Variants in EIF2S3 observed in about 807,000 individuals in gnomAD.
EIF2S3 encodes eukaryotic translation initiation factor 2 subunit 3.
In EIF2S3, 2 loss-of-function variants were observed where a neutral mutation model predicts 31.7. The ratio of observed to expected loss-of-function variants is 0.06; its 90% CI spans 0.03 to 0.20. The LOEUF is 0.20. EIF2S3 is among the 10% of genes least tolerant of loss of function. The pLI is 1.00. For synonymous variants in EIF2S3, 120 were observed against 126.7 expected (o/e 0.95, Z 0.36); for missense variants, 96 against 359.3 (o/e 0.27, Z 5.92).
intron 9 of EIF2S3, among the ~76,000 whole-genome samples, chrX:24,069,791 G>C (rs1189314395): frequency 1.0e-5 from 1 of 98,871 alleles, no homozygotes; most frequent in Non-Finnish European, 2.0e-5. Flanking sequence ...CCTGGGTTCA[G>C]TTAATTCTCC....
At chrX:24,069,215 C>G (rs1930623952) in intron 9 of EIF2S3, among the ~76,000 whole-genome samples, 1 of 109,351 alleles carries the variant, frequency 9.1e-6, no homozygotes, top group Non-Finnish European at 1.9e-5. Flanking sequence ...AACCTTGTCT[C>G]TACTAAAAAT....
intron 9 of EIF2S3, among the ~76,000 whole-genome samples, chrX:24,070,442 T>C (rs1033044599): frequency 5.8e-4 from 44 of 76,235 alleles, no homozygotes; most frequent in Middle Eastern, 0.012. Context: ...ATATGTAGTT[T>C]TTTTTTTTTT....
At chrX:24,061,388 G>A (rs1456795951) in intron 5 of EIF2S3, among the ~76,000 whole-genome samples, 5 of 108,775 alleles carry the variant, frequency 4.6e-5, no homozygotes, top group African/African-American at 1.7e-4. Flanking sequence ...GTGAAACCCT[G>A]CCTCTATTAA....
At chrX:24,058,141 T>C (rs1227063863) in intron 4 of EIF2S3, among the ~76,000 whole-genome samples, 1 of 112,015 alleles carries the variant, frequency 8.9e-6, no homozygotes, top group African/African-American at 3.2e-5. Flanking sequence ...CTGAATATGA[T>C]TGCATACCTG....
rs761582088 is a variant in EIF2S3 at position 24,063,690 on chromosome X, G to T, written c.638-511G>T. Among the ~76,000 whole-genome samples, 36 of 110,311 alleles carry T rather than the reference G, an allele frequency of 3.3e-4. 1 individual carries two copies. Among genetic ancestry groups the T allele is most frequent in the Non-Finnish European group, 6.4e-4 (34 of 52,858 alleles). On this transcript the variant is annotated intron_variant, in intron 6 of 11. Transcript: ENST00000253039. Reference sequence around the variant, plus strand: ...TGTAGGAGGCTGAAGTGGGAGGATCGCTTGGGCCTGGGAAGTGGAGGTTGC... The same window carrying T: ...TGTAGGAGGCTGAAGTGGGAGGATCTCTTGGGCCTGGGAAGTGGAGGTTGC...
intron 7 of EIF2S3, among the ~76,000 whole-genome samples, chrX:24,064,962 A>G (rs1320140540): frequency 1.8e-5 from 2 of 112,133 alleles, no homozygotes; most frequent in Admixed American, 1.9e-4. Context: ...AAACATTTAC[A>G]GATGATTTTG....
In EIF2S3 at chrX:24,057,464, A is replaced by G; in HGVS notation, c.177A>G (p.Lys59=). The G allele has an allele frequency of 8.3e-7, 1 of 1,210,106 alleles. No individual in the cohort carries two copies. The highest frequency in any genetic ancestry group is 1.7e-5 in the African/African-American group (1 of 57,888). Reference sequence around the variant, plus strand: ...CTCATGGGAAATCCACAGTCGTCAAAGCTATTTCTGGAGTTCATACTGTCA... The same window carrying G: ...CTCATGGGAAATCCACAGTCGTCAAGGCTATTTCTGGAGTTCATACTGTCA... ...HVAHGKSTVV[K]AISGVHTVRF... Residue 59 remains lysine, a synonymous_variant, in exon 3 of 12, where the codon AAA becomes AAG. Transcript: ENST00000253039.
At chrX:24,071,872 G>GTTT in intron 10 of EIF2S3, 145 bp downstream of exon 10, 8 of 523,511 alleles carry the variant, frequency 1.5e-5, no homozygotes, top group Non-Finnish European at 2.2e-5. Context: ...AAAATTGAGG[G>GTTT]TTTTTTTTTT....
chrX:24,057,750 G>C lies in EIF2S3; in HGVS notation c.379G>C (p.Val127Leu), dbSNP rs1930425886. Residue 127 changes from valine to leucine, a missense_variant, in exon 4 of 12, where the codon GTC becomes CTC. Val to Leu is a conservative substitution (Grantham distance 32, BLOSUM62 1). This residue lies in a region of EIF2S3 where 22 missense variants were observed against 34.5 expected (regional missense o/e 0.64). Coordinates refer to ENST00000253039, the MANE Select transcript of EIF2S3 (RefSeq NM_001415.4). ...AGGGACCAAAGGGAACTTCAAATTA[G>C]TCAGGTGACCTCTCTTTTGCTACAA... ...IPGTKGNFKL[V>L]RHVSFVDCPG... The C allele has an allele frequency of 1.7e-6, 2 of 1,204,596 alleles. No homozygotes were observed. Among genetic ancestry groups the C allele is most frequent in the Non-Finnish European group, 2.2e-6 (2 of 893,289 alleles).
intron 4 of EIF2S3, 34 bp downstream of exon 4, chrX:24,057,788 A>G: frequency 8.5e-7 from 1 of 1,174,105 alleles, no homozygotes; most frequent in Non-Finnish European, 1.1e-6. Flanking sequence ...ACTACACTTT[A>G]TATTTTATTG....
Position 24,062,682 on chromosome X carries a change from C to T in EIF2S3, c.637+108C>T. 9.0e-6 allele frequency: 8 copies of T among 891,972 alleles called. 1 individual carries two copies. The South Asian group carries it at 2.0e-4, about 22-fold the overall frequency. 73.5% of individuals were successfully genotyped at this position (891,972 alleles called of 1,213,427 possible). A position where few individuals can be genotyped will look rare whatever the true frequency, so the allele number is the denominator to read the frequency against. On this transcript the variant is annotated intron_variant, in intron 6 of 11. Coordinates refer to ENST00000253039, the MANE Select transcript of EIF2S3 (RefSeq NM_001415.4). ...AATATATTATCTAAAACAAGGTAAA[C>T]TTACAAGTCTTAAGCCTTATCGCCC...
rs1188921069 is a variant in EIF2S3 at position 24,077,903 on chromosome X, CAT to C, written c.*1120_*1121del. On this transcript the variant is annotated 3_prime_UTR_variant, in exon 12 of 12. Coordinates refer to ENST00000253039, the MANE Select transcript of EIF2S3 (RefSeq NM_001415.4). ...CTTAACTGTTATATTATGATTGTGA[CAT>C]AGATTATACTACTACTAATTTTTGG... The C allele has an allele frequency of 1.8e-5, 2 of 112,078 alleles. No individual in the cohort carries two copies. The highest frequency in any genetic ancestry group is 9.6e-5 in the Admixed American group (1 of 10,435). The allele number at this position is 112,078 out of a possible 1,213,427, so 9.2% of individuals were successfully genotyped here.
chrX:24,055,126 G>A, intron 1 of EIF2S3, 89 bp downstream of exon 1: 3 of 1,049,297 alleles, frequency 2.9e-6, no homozygotes, highest in Non-Finnish European at 3.9e-6. Context: ...TCAGTGTCGG[G>A]AGCATGGGTC....
chrX:24,058,512 G>A (rs1274741783), intron 4 of EIF2S3, among the ~76,000 whole-genome samples: 7 of 88,959 alleles, frequency 7.9e-5, no homozygotes, highest in Non-Finnish European at 1.3e-4. Flanking sequence ...TAAAAATACT[G>A]AATGCATATA....
At chrX:24,059,581 A>G (rs748447289) in intron 4 of EIF2S3, among the ~76,000 whole-genome samples, 5 of 110,498 alleles carry the variant, frequency 4.5e-5, no homozygotes, top group Non-Finnish European at 9.5e-5. Context: ...CACCAGCTAC[A>G]TGTGGCTAAT....
chrX:24,070,450 T>TG (rs1250007467), intron 9 of EIF2S3, among the ~76,000 whole-genome samples: 3 of 82,603 alleles, frequency 3.6e-5, no homozygotes, highest in Non-Finnish European at 7.2e-5. Context: ...TTTTTTTTTT[T>TG]TTTTTTTTTT....
In EIF2S3 at chrX:24,070,509, C is replaced by T. The variant is rs766236928; in HGVS notation, c.1013-1049C>T. Among the ~76,000 whole-genome samples, 33 of 84,885 alleles carry T rather than the reference C, an allele frequency of 3.9e-4. 1 individual carries two copies. The highest frequency in any genetic ancestry group is 1.4e-3 in the African/African-American group (30 of 21,955). The allele number at this position is 84,885 out of a possible 115,157, so 73.7% of individuals were successfully genotyped here. The stretch of plus-strand genomic sequence containing the variant: ...AGGCTGGAGTGCAGTGGCACGATCT[C>T]GGCTCACTGCAACCTCTGCCTCCCA... On this transcript the variant is annotated intron_variant, in intron 9 of 11. Transcript: ENST00000253039.
chrX:24,071,117 T>C (rs1040785640), intron 9 of EIF2S3, among the ~76,000 whole-genome samples: 4 of 111,521 alleles, frequency 3.6e-5, no homozygotes, highest in Non-Finnish European at 5.6e-5. Context: ...ATATAGCTAT[T>C]ATATGAGTAT....
intron 7 of EIF2S3, 81 bp from the exon 8 acceptor site, chrX:24,065,917 T>C (rs1410605709): frequency 1.1e-6 from 1 of 936,482 alleles, no homozygotes; most frequent in African/African-American, 1.9e-5. Context: ...ATGGCCACTA[T>C]TTTAGAAACA....
Sources: gnomAD v4.1 joint callset for allele counts (sites outside exome capture counted in the v4.1 genomes callset) on GRCh38, gnomAD v4.1.1 for gene constraint, gnomAD v4.1.1 regional missense constraint, MANE v1.5 for transcripts, NCBI Gene and HGNC (gene_info 2026-07-23, HGNC 2026-07-21) for gene names.